The following RALGAPA1 variants were observed in gnomAD, a reference collection of about 807,000 sequenced individuals.
RALGAPA1 encodes Ral GTPase activating protein catalytic subunit alpha 1, also known as ral GTPase-activating protein subunit alpha-1.
In RALGAPA1, 52 loss-of-function variants were observed where a neutral mutation model predicts 269.6. That is an observed-to-expected ratio of 0.19 (90% CI 0.15 to 0.24). RALGAPA1 has a LOEUF of 0.24. Ranked by LOEUF, RALGAPA1 falls within the 10% of genes least tolerant of loss-of-function variation. The pLI, the probability that RALGAPA1 is intolerant of heterozygous loss-of-function variation, is 1.00. For missense variants in RALGAPA1, 1,917 were observed against 3,013.9 expected, an observed-to-expected ratio of 0.64 and a Z score of 8.52; for synonymous variants, 817 against 1,008.3, an observed-to-expected ratio of 0.81 and a Z score of 3.60.
chr14:35,649,656 T>C (rs901017526), intron 31 of RALGAPA1, among the ~76,000 whole-genome samples: 2 of 152,228 alleles, frequency 1.3e-5, no homozygotes, highest in African/African-American at 4.8e-5. Flanking sequence ...TCTATTTATG[T>C]CTCTATTTAA....
At chr14:35,684,063 G>T in intron 20 of RALGAPA1, 78 bp from the exon 21 acceptor site, 1 of 1,133,858 alleles carries the variant, frequency 8.8e-7, no homozygotes, top group Non-Finnish European at 1.3e-6. Flanking sequence ...TCAGCAAAAT[G>T]ATCAAACATA....
chr14:35,647,396 A>C (rs1322917425), intron 31 of RALGAPA1, among the ~76,000 whole-genome samples: 1 of 152,228 alleles, frequency 6.6e-6, no homozygotes, highest in African/African-American at 2.4e-5. Context: ...GTTAAGGAGC[A>C]GCAATCTGAA....
chr14:35,802,170 C>T (rs1054522845), intron 1 of RALGAPA1, among the ~76,000 whole-genome samples: 1 of 151,970 alleles, frequency 6.6e-6, no homozygotes. Flanking sequence ...CAGCCAGGCT[C>T]AGTGGTGTGT....
chr14:35,789,370 G>T (rs965534179), intron 1 of RALGAPA1, among the ~76,000 whole-genome samples: 3 of 151,576 alleles, frequency 2.0e-5, no homozygotes, highest in African/African-American at 7.3e-5. Flanking sequence ...GAGGTGGGTG[G>T]ATCACTTGAG....
At chr14:35,550,117 C>T (rs1371837735) in intron 39 of RALGAPA1, among the ~76,000 whole-genome samples, 2 of 152,092 alleles carry the variant, frequency 1.3e-5, no homozygotes, top group Admixed American at 1.3e-4. Context: ...ACAGAGAGGG[C>T]GAGAAAGAGA....
intron 8 of RALGAPA1, 61 bp from the exon 9 acceptor site, chr14:35,750,751 C>G (rs1595425451): frequency 7.4e-7 from 1 of 1,359,964 alleles, no homozygotes; most frequent in Non-Finnish European, 1.0e-6. Flanking sequence ...TTAGAAAAAA[C>G]CTACATTTTT....
chr14:35,653,708 T>C (rs541216636), intron 30 of RALGAPA1, among the ~76,000 whole-genome samples: 2 of 152,164 alleles, frequency 1.3e-5, no homozygotes, highest in South Asian at 2.1e-4. Flanking sequence ...ATGATGACTT[T>C]AAGAGCAAGA....
At chr14:35,788,527 G>T (rs1479064690) in intron 1 of RALGAPA1, among the ~76,000 whole-genome samples, 1 of 152,148 alleles carries the variant, frequency 6.6e-6, no homozygotes, top group Non-Finnish European at 1.5e-5. Context: ...GCTCATGCCT[G>T]TAATCCCAGT....
chr14:35,580,994 TA>T (rs142729956), intron 37 of RALGAPA1, among the ~76,000 whole-genome samples: 6,148 of 152,174 alleles, frequency 0.04, 351 homozygotes, highest in African/African-American at 0.12. Flanking sequence ...GTACAAAGGA[TA>T]GGGGGGACAA....
chr14:35,656,454 T>C (rs1471405617), intron 28 of RALGAPA1, among the ~76,000 whole-genome samples: 1 of 152,220 alleles, frequency 6.6e-6, no homozygotes, highest in African/African-American at 2.4e-5. Context: ...CCCCAATGTA[T>C]TGCAAAGCTT....
Position 35,546,850 on chromosome 14 carries a change from C to T in RALGAPA1, c.*23+1658G>A, listed in dbSNP as rs138282056. 3.5e-3 allele frequency among the ~76,000 whole-genome samples: 536 copies of T among 152,042 alleles called. 3 individuals carry two copies. Among genetic ancestry groups the T allele is most frequent in the African/African-American group, 0.012 (514 of 41,496 alleles). On this transcript the variant is annotated intron_variant, in intron 41 of 41. Coordinates refer to ENST00000680220, the MANE Select transcript of RALGAPA1 (RefSeq NM_001346249.2). ...TAAAGGGAGCTCTATATGTATGGGA[C>T]TTATGACAGAAAAGTTAAGATTTGA...
chr14:35,768,096 T>G (rs1347662620), intron 4 of RALGAPA1, among the ~76,000 whole-genome samples: 1 of 152,094 alleles, frequency 6.6e-6, no homozygotes, highest in Non-Finnish European at 1.5e-5. Context: ...TTTTAGAGAT[T>G]GTGTCTCATT....
intron 16 of RALGAPA1, among the ~76,000 whole-genome samples, chr14:35,711,765 G>A (rs2068362473): frequency 6.6e-6 from 1 of 152,036 alleles, no homozygotes; most frequent in African/African-American, 2.4e-5. Flanking sequence ...ATGAGCCACT[G>A]TACCCCACCC....
Position 35,714,538 on chromosome 14 carries a change from C to T in RALGAPA1, c.2266+7150G>A, listed in dbSNP as rs189748897. On this transcript the variant is annotated intron_variant, in intron 16 of 41. Transcript: ENST00000680220. ...GCAATAACACCAGCTCTCTACCTCA[C>T]CCTGAACAAGATAAGGATTTGCGAA... Among the ~76,000 whole-genome samples, 466 of 152,272 alleles carry T rather than the reference C, an allele frequency of 3.1e-3. 2 individuals are homozygous for T. The highest frequency in any genetic ancestry group is 4.4e-3 in the Non-Finnish European group (301 of 68,018).
At chr14:35,751,795 AACAAC>A (rs760452970) in intron 8 of RALGAPA1, among the ~76,000 whole-genome samples, 21 of 117,418 alleles carry the variant, frequency 1.8e-4, no homozygotes, top group Non-Finnish European at 3.6e-4. Flanking sequence ...TAAAAAAAAC[AACAAC>A]AACAACAACA....
intron 1 of RALGAPA1, among the ~76,000 whole-genome samples, chr14:35,788,229 C>T (rs2075931228): frequency 6.6e-6 from 1 of 152,106 alleles, no homozygotes; most frequent in African/African-American, 2.4e-5. Context: ...CCTCGGCCTC[C>T]CAAAGTGCTA....
At chr14:35,562,805 A>C (rs920065463) in intron 39 of RALGAPA1, among the ~76,000 whole-genome samples, 1 of 151,812 alleles carries the variant, frequency 6.6e-6, no homozygotes, top group African/African-American at 2.4e-5. Context: ...GCGGATCACG[A>C]GTTCAGGAGA....
intron 17 of RALGAPA1, among the ~76,000 whole-genome samples, chr14:35,695,727 T>C (rs1031843835): frequency 6.6e-6 from 1 of 152,248 alleles, no homozygotes; most frequent in Non-Finnish European, 1.5e-5. Context: ...CATGTTTATA[T>C]ACTTTTATAT....
chr14:35,599,057 T>C (rs1207536813), intron 36 of RALGAPA1, among the ~76,000 whole-genome samples: 1 of 152,216 alleles, frequency 6.6e-6, no homozygotes, highest in Non-Finnish European at 1.5e-5. Context: ...AGCCTACTAG[T>C]GTTGTCATTT....
Sources: gnomAD v4.1 joint callset for allele counts (sites outside exome capture counted in the v4.1 genomes callset) on GRCh38, gnomAD v4.1.1 for gene constraint, MANE v1.5 for transcripts, NCBI Gene and HGNC (gene_info 2026-07-23, HGNC 2026-07-21) for gene names.